The following PDS5A variants were observed in gnomAD, a reference collection of about 807,000 sequenced individuals.
The protein encoded by PDS5A is PDS5 cohesin associated factor A.
PDS5A carries 42 observed loss-of-function variants against 167.1 expected under a neutral mutation model. The ratio of observed to expected loss-of-function variants is 0.25; its 90% confidence interval spans 0.20 to 0.33. The LOEUF (loss-of-function observed/expected upper bound fraction) is 0.33. PDS5A is among the 10% of genes least tolerant of loss of function. The pLI, the probability that PDS5A is intolerant of heterozygous loss-of-function variation, is 1.00. For missense variants in PDS5A, 1,033 were observed against 1,605.9 expected, an observed-to-expected ratio of 0.64 and a Z score of 6.10; for synonymous variants, 553 against 554.6, an observed-to-expected ratio of 1.00 and a Z score of 0.04.
rs1226628844 is a variant in PDS5A, at chr4:39,922,762, A to AG, written c.528-15_528-14insC. On this transcript the variant is annotated splice_polypyrimidine_tract_variant and intron_variant, in intron 5 of 32. Transcript: ENST00000303538. ...TTGTGGCTATTGCTATAAAAAAAAAAAAAAAAGAATAAGTAGTAGGAGGAG... is the reference window on the plus strand; with the variant it reads ...TTGTGGCTATTGCTATAAAAAAAAAAGAAAAAAGAATAAGTAGTAGGAGGAG... 1 of 1,478,616 alleles carries AG rather than the reference A, an allele frequency of 6.8e-7. No homozygotes were observed. Among genetic ancestry groups the AG allele is most frequent in the Non-Finnish European group, 9.0e-7 (1 of 1,113,826 alleles). The allele number at this position is 1,478,616 out of a possible 1,614,324, so 91.6% of individuals were successfully genotyped here. A position where few individuals can be genotyped will look rare whatever the true frequency, so the allele number is the denominator to read the frequency against.
intron 11 of PDS5A, among the ~76,000 whole-genome samples, chr4:39,904,472 G>A (rs1252260476): frequency 6.6e-6 from 1 of 152,086 alleles, no homozygotes; most frequent in Non-Finnish European, 1.5e-5. Context: ...CCAAGTAGCT[G>A]GGACTACAGG....
rs960612173 is a variant in PDS5A, at chr4:39,977,388, C to T, written c.-41+69G>A. On this transcript the variant is annotated intron_variant, in intron 1 of 32. Coordinates refer to ENST00000303538, the MANE Select transcript of PDS5A (RefSeq NM_001100399.2). The surrounding 1 kb of genome is among the most constrained non-coding windows in gnomAD (Gnocchi z 4.2). The stretch of plus-strand genomic sequence containing the variant: ...CGGGCCTCGGACCCGCGGCCCCCCC[C>T]TCCAGTCTCCCCTTCCGTCCCCTCC... 1 of 151,790 alleles carries T rather than the reference C, an allele frequency of 6.6e-6. No homozygotes were observed. Among genetic ancestry groups the T allele is most frequent in the Non-Finnish European group, 1.5e-5 (1 of 67,922 alleles). 9.4% of individuals were successfully genotyped at this position (151,790 alleles called of 1,614,324 possible).
intron 2 of PDS5A, among the ~76,000 whole-genome samples, chr4:39,958,837 G>A (rs1729211271): frequency 6.6e-6 from 1 of 152,066 alleles, no homozygotes; most frequent in Non-Finnish European, 1.5e-5. Flanking sequence ...TCAAGCTCCT[G>A]GCCTCAAGTG....
chr4:39,870,343 C>T (rs544440378), intron 21 of PDS5A, among the ~76,000 whole-genome samples: 3 of 152,108 alleles, frequency 2.0e-5, no homozygotes, highest in Non-Finnish European at 2.9e-5. Context: ...ATGTAAATAA[C>T]TCTTAAAACT....
At chr4:39,838,298 G>A in intron 31 of PDS5A, 90 bp from the exon 32 acceptor site, 1 of 1,017,686 alleles carries the variant, frequency 9.8e-7, no homozygotes, top group South Asian at 1.7e-5. Flanking sequence ...GTATTTTAAA[G>A]GAGTCTGGAT....
At chr4:39,918,389 G>A (rs1390671426) in intron 7 of PDS5A, among the ~76,000 whole-genome samples, 1 of 151,598 alleles carries the variant, frequency 6.6e-6, no homozygotes, top group East Asian at 1.9e-4. Context: ...GAAATAAAGA[G>A]TATACAAGGC....
chr4:39,893,743 T>G (rs1722162806), intron 16 of PDS5A, among the ~76,000 whole-genome samples: 1 of 152,190 alleles, frequency 6.6e-6, no homozygotes, highest in African/African-American at 2.4e-5. Flanking sequence ...AAGGGAGGTA[T>G]TCTAAGTCCC....
At chr4:39,917,405 C>T (rs2109703581) in intron 7 of PDS5A, among the ~76,000 whole-genome samples, 1 of 151,796 alleles carries the variant, frequency 6.6e-6, no homozygotes, top group African/African-American at 2.4e-5. Flanking sequence ...ATGAATGTTA[C>T]AAGGAGAAAA....
chr4:39,976,738 G>A, intron 1 of PDS5A, 121 bp from the exon 2 acceptor site: 1 of 500,648 alleles, frequency 2.0e-6, no homozygotes, highest in Non-Finnish European at 3.4e-6. Flanking sequence ...ACCCGGCAGC[G>A]GCCTCGCCAC....
Position 39,841,962 on chromosome 4 carries a change from G to A in PDS5A, c.3643C>T (p.Pro1215Ser), listed in dbSNP as rs1717072225. ...ISVTPVKNID[P>S]VKNKEINSDQ... Reference sequence around the variant, plus strand: ...TTAAAATTTACCTTATTCTTTACTGGGTCAATATTCTTTACAGGTGTGACT... The same window carrying A: ...TTAAAATTTACCTTATTCTTTACTGAGTCAATATTCTTTACAGGTGTGACT... Residue 1215 changes from proline to serine, a missense_variant, in exon 31 of 33, where the codon CCA (proline) becomes TCA (serine). Coordinates refer to ENST00000303538, the MANE Select transcript of PDS5A (RefSeq NM_001100399.2). The A allele has an allele frequency of 6.4e-7, 1 of 1,563,868 alleles. No homozygotes were observed. The highest frequency in any genetic ancestry group is 8.8e-7 in the Non-Finnish European group (1 of 1,135,252).
intron 11 of PDS5A, among the ~76,000 whole-genome samples, chr4:39,908,164 T>A (rs900992472): frequency 6.6e-5 from 10 of 152,164 alleles, no homozygotes; most frequent in Admixed American, 2.0e-4. Context: ...TATGAAGGTA[T>A]GATAGAAAAG....
intron 21 of PDS5A, among the ~76,000 whole-genome samples, chr4:39,870,101 T>A (rs1238099666): frequency 6.6e-6 from 1 of 151,142 alleles, no homozygotes; most frequent in African/African-American, 2.4e-5. Flanking sequence ...AGAGTGAGAC[T>A]CCATCTCAAA....
intron 2 of PDS5A, among the ~76,000 whole-genome samples, chr4:39,965,015 A>G (rs1350004913): frequency 6.6e-6 from 1 of 152,212 alleles, no homozygotes; most frequent in Non-Finnish European, 1.5e-5. Context: ...TTGTCACAAG[A>G]GCTCCTGTGG....
chr4:39,951,186 T>C (rs1000856967), intron 2 of PDS5A, among the ~76,000 whole-genome samples: 1 of 152,130 alleles, frequency 6.6e-6, no homozygotes, highest in African/African-American at 2.4e-5. Context: ...AACCACTCCA[T>C]CTGGCCTCTG....
Position 39,836,700 on chromosome 4 carries a change from G to A in PDS5A, c.4010+1156C>T, listed in dbSNP as rs576101208. On this transcript the variant is annotated intron_variant, in intron 32 of 32. Coordinates refer to ENST00000303538, the MANE Select transcript of PDS5A (RefSeq NM_001100399.2). The stretch of plus-strand genomic sequence containing the variant: ...GTTGGTCTCAAACTCCTGACCTCAC[G>A]TGATCTACCCGCCGTGGCCTCCCAA... Among the ~76,000 whole-genome samples, 50 of 147,220 alleles carry A rather than the reference G, an allele frequency of 3.4e-4. 1 individual carries two copies. In the East Asian group the frequency reaches 7.4e-3, roughly 22 times the overall value.
At chr4:39,952,909 AG>A (rs1228310702) in intron 2 of PDS5A, among the ~76,000 whole-genome samples, 2 of 151,948 alleles carry the variant, frequency 1.3e-5, no homozygotes, top group African/African-American at 4.8e-5. Context: ...TTGTATTTTT[AG>A]TAGAGTCAGG....
At chr4:39,900,248 GT>G (rs1722763491) in intron 14 of PDS5A, among the ~76,000 whole-genome samples, 177 bp downstream of exon 14, 1 of 152,050 alleles carries the variant, frequency 6.6e-6, no homozygotes, top group Non-Finnish European at 1.5e-5. Context: ...GAAAATAAGA[GT>G]TTGTTATATT....
At chr4:39,969,953 G>A (rs1245732273) in intron 2 of PDS5A, among the ~76,000 whole-genome samples, 2 of 122,106 alleles carry the variant, frequency 1.6e-5, no homozygotes, top group African/African-American at 5.6e-5. Context: ...GGTATGTAAT[G>A]TAGAATCTTT....
At chr4:39,862,131 TAATA>T (rs1341600362) in intron 26 of PDS5A, 84 bp downstream of exon 26, 7 of 496,312 alleles carry the variant, frequency 1.4e-5, no homozygotes, top group Admixed American at 3.7e-5. Context: ...CTAATGTAAA[TAATA>T]AATAAAAATA....
Sources: gnomAD v4.1 joint callset for allele counts (sites outside exome capture counted in the v4.1 genomes callset) on GRCh38, gnomAD v4.1.1 for gene constraint, Gnocchi (gnomAD v3.1) non-coding constraint, MANE v1.5 for transcripts, NCBI Gene and HGNC (gene_info 2026-07-23, HGNC 2026-07-21) for gene names.